Variants in NRG3 observed in about 807,000 individuals in gnomAD.
NRG3 encodes pro-neuregulin-3, membrane-bound isoform.
NRG3 carries 31 observed loss-of-function variants against 66.9 expected under a neutral mutation model. The ratio of observed to expected loss-of-function variants is 0.46; its 90% CI spans 0.35 to 0.63. NRG3 has a LOEUF of 0.63. Among genes scored for constraint, NRG3 ranks in the 20% least tolerant of loss-of-function variants. NRG3 has a pLI of 0.00. For missense variants in NRG3, 910 were observed against 878.9 expected, an observed-to-expected ratio of 1.04 and a Z score of -0.45; for synonymous variants, 393 against 359.4, an observed-to-expected ratio of 1.09 and a Z score of -1.06.
At chr10:81,896,780 C>G (rs1843567990) in intron 1 of NRG3, among the ~76,000 whole-genome samples, 1 of 151,770 alleles carries the variant, frequency 6.6e-6, no homozygotes, top group African/African-American at 2.4e-5. Context: ...GATTCCTCTT[C>G]CACACAGCCT....
chr10:82,176,504 A>G (rs1245181206), intron 1 of NRG3, among the ~76,000 whole-genome samples: 11 of 152,122 alleles, frequency 7.2e-5, no homozygotes, highest in African/African-American at 2.4e-4. Context: ...GTTTCTATCC[A>G]TGCCCAAACA....
chr10:82,449,928 TCTC>T lies in NRG3; in HGVS notation c.953+91065_953+91067del, dbSNP rs140591741. Among the ~76,000 whole-genome samples, 760 of 152,244 alleles carry T rather than the reference TCTC, an allele frequency of 5.0e-3. 3 individuals are homozygous for T. The highest frequency in any genetic ancestry group is 0.018 in the African/African-American group (735 of 41,550). On this transcript the variant is annotated intron_variant, in intron 2 of 8. Coordinates refer to ENST00000372141, the MANE Select transcript of NRG3 (RefSeq NM_001010848.4). ...GACTATGGGTGACATGATACACTCTTCTCCTCCATAACAAGACACTAGCCATGG... is the reference window on the plus strand; with the variant it reads ...GACTATGGGTGACATGATACACTCTTCTCCATAACAAGACACTAGCCATGG...
chr10:82,769,483 A>G (rs2059635192), intron 3 of NRG3, among the ~76,000 whole-genome samples: 1 of 152,142 alleles, frequency 6.6e-6, no homozygotes, highest in South Asian at 2.1e-4. Flanking sequence ...TTAATAACAT[A>G]ATTTCAATAT....
At chr10:82,836,395 A>G (rs868649050) in intron 3 of NRG3, among the ~76,000 whole-genome samples, 2 of 152,152 alleles carry the variant, frequency 1.3e-5, no homozygotes, top group African/African-American at 4.8e-5. Context: ...CAAGGACAAG[A>G]TATTATTGAG....
Position 81,981,085 on chromosome 10 carries a change from A to G in NRG3, c.823+104922A>G, listed in dbSNP as rs182086901. ...GATCTCCAAAATCCCTGTCCTTCTC[A>G]TATGCAAAATACATTCACCCTAATC... On this transcript the variant is annotated intron_variant, in intron 1 of 8. Transcript: ENST00000372141. Among the ~76,000 whole-genome samples the G allele has an allele frequency of 2.0e-3, 305 of 152,298 alleles. 2 individuals are homozygous for G. The highest frequency in any genetic ancestry group is 6.6e-3 in the African/African-American group (275 of 41,578).
At chr10:82,017,443 G>A (rs916076472) in intron 1 of NRG3, among the ~76,000 whole-genome samples, 2 of 151,988 alleles carry the variant, frequency 1.3e-5, no homozygotes, top group African/African-American at 4.8e-5. Flanking sequence ...TAGTCCTTTG[G>A]GTATATACCC....
intron 2 of NRG3, among the ~76,000 whole-genome samples, chr10:82,513,185 T>A (rs1008500361): frequency 6.6e-6 from 1 of 152,320 alleles, no homozygotes; most frequent in East Asian, 1.9e-4. Flanking sequence ...CAGCTCTCAC[T>A]TGTAAGTGAG....
chr10:82,853,909 A>G (rs1444739306), intron 3 of NRG3, among the ~76,000 whole-genome samples: 1 of 152,154 alleles, frequency 6.6e-6, no homozygotes, highest in Non-Finnish European at 1.5e-5. Flanking sequence ...ACTTTTCCCC[A>G]TTCAGTATGA....
chr10:82,027,824 A>T (rs1376988086), intron 1 of NRG3, among the ~76,000 whole-genome samples: 1 of 152,102 alleles, frequency 6.6e-6, no homozygotes, highest in Non-Finnish European at 1.5e-5. Flanking sequence ...CTGTACCCAC[A>T]CATTGAGGGA....
At chr10:82,162,560 G>A (rs2071681739) in intron 1 of NRG3, among the ~76,000 whole-genome samples, 1 of 152,018 alleles carries the variant, frequency 6.6e-6, no homozygotes, top group East Asian at 1.9e-4. Flanking sequence ...TAAAGACAAG[G>A]GCAAGAGAAG....
Position 82,349,769 on chromosome 10 carries a change from G to T in NRG3, c.824-8970G>T, listed in dbSNP as rs548152380. Among the ~76,000 whole-genome samples, 74 of 152,262 alleles carry T rather than the reference G, an allele frequency of 4.9e-4. 1 individual carries two copies. The East Asian group carries it at 0.012, about 24-fold the overall frequency. ...CAGGTGCGGGATAGAATCTCTTGGT[G>T]TGCCGTTTTTTAAGCCAGTCGGAAA... On this transcript the variant is annotated intron_variant, in intron 1 of 8. Coordinates refer to ENST00000372141, the MANE Select transcript of NRG3 (RefSeq NM_001010848.4).
At chr10:82,739,772 G>C (rs1212094942) in intron 3 of NRG3, among the ~76,000 whole-genome samples, 1 of 152,112 alleles carries the variant, frequency 6.6e-6, no homozygotes, top group Non-Finnish European at 1.5e-5. Context: ...AAAAGTGAAG[G>C]TTGCCACAGG....
intron 2 of NRG3, among the ~76,000 whole-genome samples, chr10:82,678,740 GGACA>G (rs1389584104): frequency 6.6e-6 from 1 of 151,840 alleles, no homozygotes; most frequent in Non-Finnish European, 1.5e-5. Context: ...GAGCAACAGC[GGACA>G]TTACCAGAGT....
chr10:82,881,094 T>C (rs1179658417), intron 4 of NRG3, among the ~76,000 whole-genome samples: 3 of 152,214 alleles, frequency 2.0e-5, no homozygotes, highest in Non-Finnish European at 2.9e-5. Flanking sequence ...ATGCACAAAA[T>C]ACTAAACTGT....
At chr10:81,992,028 A>G (rs1314954992) in intron 1 of NRG3, among the ~76,000 whole-genome samples, 1 of 152,108 alleles carries the variant, frequency 6.6e-6, no homozygotes, top group African/African-American at 2.4e-5. Context: ...TATTAGAAAC[A>G]TACCTATTGT....
At chr10:81,897,516 C>A (rs1029483783) in intron 1 of NRG3, among the ~76,000 whole-genome samples, 1 of 151,624 alleles carries the variant, frequency 6.6e-6, no homozygotes, top group East Asian at 2.0e-4. Flanking sequence ...TAAATCAAGA[C>A]TCCCTCCTAG....
At position 82,672,460 on chromosome 10, in the gene NRG3, A is replaced by G. The variant is rs902137005; in HGVS notation, c.954-66117A>G. 1.6e-4 allele frequency among the ~76,000 whole-genome samples: 25 copies of G among 152,344 alleles called. No homozygotes were observed. The East Asian group carries it at 4.5e-3, about 27-fold the overall frequency. ...ACAAACAAAAGAAATATGTGACCCCATGGCAAACAGAAGATTTCAGGGGCT... is the reference window on the plus strand; with the variant it reads ...ACAAACAAAAGAAATATGTGACCCCGTGGCAAACAGAAGATTTCAGGGGCT... On this transcript the variant is annotated intron_variant, in intron 2 of 8. Coordinates refer to ENST00000372141, the MANE Select transcript of NRG3 (RefSeq NM_001010848.4).
chr10:82,467,625 G>A (rs1322322451), intron 2 of NRG3, among the ~76,000 whole-genome samples: 1 of 152,132 alleles, frequency 6.6e-6, no homozygotes, highest in Non-Finnish European at 1.5e-5. Context: ...TAAGCTGCTG[G>A]ACAGGAAGGG....
At chr10:81,891,949 C>T (rs1589368511) in intron 1 of NRG3, among the ~76,000 whole-genome samples, 1 of 152,168 alleles carries the variant, frequency 6.6e-6, no homozygotes, top group East Asian at 1.9e-4. Flanking sequence ...CTCCCTTCCT[C>T]TGTCTCGCTC....
Sources: gnomAD v4.1 joint callset for allele counts (sites outside exome capture counted in the v4.1 genomes callset) on GRCh38, gnomAD v4.1.1 for gene constraint, MANE v1.5 for transcripts, NCBI Gene and HGNC (gene_info 2026-07-23, HGNC 2026-07-21) for gene names.